Variants in STK39 observed in about 807,000 individuals in gnomAD.
STK39 encodes serine/threonine kinase 39, also known as STE20/SPS1-related proline-alanine-rich protein kinase.
Under a neutral mutation model 77.8 loss-of-function variants are expected in STK39, and 20 were observed. That is an observed-to-expected ratio of 0.26 (90% CI 0.18 to 0.37). STK39 has a LOEUF of 0.37. Among genes scored for constraint, STK39 ranks in the 10% least tolerant of loss-of-function variants. The pLI, the probability that STK39 is intolerant of heterozygous loss-of-function variation, is 1.00. For synonymous variants in STK39, 246 were observed against 234.1 expected, an observed-to-expected ratio of 1.05 and a Z score of -0.47; for missense variants, 479 against 656.5, an observed-to-expected ratio of 0.73 and a Z score of 2.95.
intron 2 of STK39, among the ~76,000 whole-genome samples, chr2:168,175,423 G>GA (rs559823091): frequency 4.1e-4 from 62 of 151,256 alleles, no homozygotes; most frequent in African/African-American, 1.1e-3. Context: ...CTTACTTTCT[G>GA]AAAAAAAAGC....
At chr2:168,080,464 C>A (rs554213231) in intron 10 of STK39, among the ~76,000 whole-genome samples, 195 of 152,138 alleles carry the variant, frequency 1.3e-3, no homozygotes, top group African/African-American at 4.6e-3. Context: ...CCCGTCTCCA[C>A]TAAAAATACA....
chr2:168,161,210 G>C (rs4668034), intron 5 of STK39, among the ~76,000 whole-genome samples: 42,319 of 152,020 alleles, frequency 0.28, 6,797 homozygotes, highest in East Asian at 0.56. Flanking sequence ...AGGCCTTTAA[G>C]GTTACTCTAG....
intron 16 of STK39, among the ~76,000 whole-genome samples, chr2:168,004,857 T>C (rs1331639862): frequency 6.6e-6 from 1 of 152,072 alleles, no homozygotes; most frequent in Non-Finnish European, 1.5e-5. Context: ...AAAAGACAGC[T>C]GATGCTATAT....
chr2:168,169,307 C>G (rs4667565), intron 2 of STK39, among the ~76,000 whole-genome samples: 42,638 of 151,898 alleles, frequency 0.28, 6,934 homozygotes, highest in East Asian at 0.56. Flanking sequence ...CTGCTCAGTG[C>G]GGGGATGGCC....
At chr2:168,217,438 GA>G (rs1176576872) in intron 1 of STK39, among the ~76,000 whole-genome samples, 1 of 151,936 alleles carries the variant, frequency 6.6e-6, no homozygotes, top group Non-Finnish European at 1.5e-5. Context: ...TATAGATCTG[GA>G]AAAATCAAAG....
chr2:168,040,527 T>C (rs1685076252), intron 14 of STK39, among the ~76,000 whole-genome samples: 1 of 152,210 alleles, frequency 6.6e-6, no homozygotes, highest in Non-Finnish European at 1.5e-5. Context: ...ACTTTAGGAA[T>C]TCCCTACTGG....
chr2:168,040,316 G>C (rs980918547), intron 14 of STK39, among the ~76,000 whole-genome samples: 5 of 152,060 alleles, frequency 3.3e-5, no homozygotes, highest in Non-Finnish European at 7.4e-5. Flanking sequence ...AATTACCATA[G>C]GTTCCAAGTA....
chr2:167,956,723 C>G (rs796504093), intron 17 of STK39, among the ~76,000 whole-genome samples: 1 of 70,072 alleles, frequency 1.4e-5, no homozygotes, highest in African/African-American at 6.3e-5. Flanking sequence ...CTCTCTCTCT[C>G]TCTCTCCCCC....
Position 168,227,262 on chromosome 2 carries a change from G to A in STK39, c.208+19966C>T, listed in dbSNP as rs114493295. ...GCCATACAGGCCATCTCTGGGCAATGAAAGTTGGGAGTTATTTTCATCTAC... is the reference window on the plus strand; with the variant it reads ...GCCATACAGGCCATCTCTGGGCAATAAAAGTTGGGAGTTATTTTCATCTAC... On this transcript the variant is annotated intron_variant, in intron 1 of 17. Coordinates refer to ENST00000355999, the MANE Select transcript of STK39 (RefSeq NM_013233.3). Among the ~76,000 whole-genome samples the A allele has an allele frequency of 3.0e-3, 457 of 152,330 alleles. 2 individuals are homozygous for A. The highest frequency in any genetic ancestry group is 0.011 in the African/African-American group (438 of 41,574).
intron 16 of STK39, among the ~76,000 whole-genome samples, chr2:167,966,406 A>G (rs1259629064): frequency 6.6e-6 from 1 of 152,314 alleles, no homozygotes; most frequent in East Asian, 1.9e-4. Context: ...TTAAAACATA[A>G]AAGTGTTCTA....
intron 14 of STK39, among the ~76,000 whole-genome samples, chr2:168,023,072 A>T (rs192541867): frequency 9.9e-4 from 150 of 152,080 alleles, no homozygotes; most frequent in African/African-American, 3.5e-3. Flanking sequence ...GTGCCCCCAT[A>T]CCTGGCTAAT....
Position 167,954,501 on chromosome 2 carries a change from T to G in STK39, c.*995A>C, listed in dbSNP as rs1574340422. The G allele has an allele frequency of 6.5e-6, 1 of 152,740 alleles. No homozygotes were observed. Among genetic ancestry groups the G allele is most frequent in the East Asian group, 1.9e-4 (1 of 5,190 alleles). The allele number at this position is 152,740 out of a possible 1,614,324, so 9.5% of individuals were successfully genotyped here. A position where few individuals can be genotyped will look rare whatever the true frequency, so the allele number is the denominator to read the frequency against. The stretch of plus-strand genomic sequence containing the variant: ...TTCTGATATTTTCAAGTTTATCACC[T>G]TTAGAATAACAAATCCTATCACTTA... On this transcript the variant is annotated 3_prime_UTR_variant, in exon 18 of 18. Coordinates refer to ENST00000355999, the MANE Select transcript of STK39 (RefSeq NM_013233.3).
At chr2:167,991,781 G>A (rs1339908727) in intron 16 of STK39, among the ~76,000 whole-genome samples, 1 of 152,102 alleles carries the variant, frequency 6.6e-6, no homozygotes, top group Non-Finnish European at 1.5e-5. Context: ...AGAGGAAACG[G>A]GTTAGGACTT....
intron 2 of STK39, among the ~76,000 whole-genome samples, chr2:168,169,631 C>CGTGTGTGTGTGTGTGTGTGTGTGTGT (rs10611769): frequency 3.4e-4 from 50 of 145,934 alleles, no homozygotes; most frequent in African/African-American, 1.1e-3. Flanking sequence ...TTGCAGTGAG[C>CGTGTGTGTGTGTGTGTGTGTGTGTGT]GTGTGTGTGT....
intron 14 of STK39, among the ~76,000 whole-genome samples, chr2:168,059,451 T>G (rs2105378284): frequency 6.6e-6 from 1 of 152,034 alleles, no homozygotes; most frequent in African/African-American, 2.4e-5. Context: ...GCCTTGGGAG[T>G]GAGGGTGGCG....
intron 16 of STK39, among the ~76,000 whole-genome samples, chr2:167,977,861 G>A (rs1294393565): frequency 6.6e-6 from 1 of 152,174 alleles, no homozygotes; most frequent in East Asian, 1.9e-4. Context: ...TTGGCTGTGT[G>A]GGAGACGGGA....
At chr2:168,091,925 A>G (rs549273775) in intron 10 of STK39, among the ~76,000 whole-genome samples, 131 of 152,336 alleles carry the variant, frequency 8.6e-4, no homozygotes, top group African/African-American at 2.9e-3. Context: ...TCATTTTCCC[A>G]AAGAACAAAA....
chr2:168,012,891 C>A (rs559242490), intron 15 of STK39, among the ~76,000 whole-genome samples, 189 bp from the exon 16 acceptor site: 3 of 152,310 alleles, frequency 2.0e-5, no homozygotes, highest in Non-Finnish European at 4.4e-5. Flanking sequence ...TTGCATCTTG[C>A]TATTTATTCA....
intron 12 of STK39, among the ~76,000 whole-genome samples, chr2:168,071,864 C>CAAAAAA (rs1685949855): frequency 7.3e-6 from 1 of 136,330 alleles, no homozygotes; most frequent in Admixed American, 7.8e-5. Context: ...AGTGAGACTC[C>CAAAAAA]ATCTCAAAAA....
Sources: allele counts gnomAD v4.1 joint callset (sites outside exome capture counted in the v4.1 genomes callset), GRCh38; gene constraint gnomAD v4.1.1; transcripts MANE v1.5; gene names NCBI Gene and HGNC (gene_info 2026-07-23, HGNC 2026-07-21).